The following ARHGEF17 variants were observed in gnomAD, a reference collection of about 807,000 sequenced individuals.
The protein encoded by ARHGEF17 is 164 kDa Rho-specific guanine-nucleotide exchange factor.
ARHGEF17 carries 80 observed loss-of-function variants against 174.0 expected under a neutral mutation model. The ratio of observed to expected loss-of-function variants is 0.46; its 90% CI spans 0.38 to 0.55. The LOEUF (loss-of-function observed/expected upper bound fraction) is 0.55, where lower values mean the gene tolerates loss of function less well. Among genes scored for constraint, ARHGEF17 ranks in the 20% least tolerant of loss-of-function variants. ARHGEF17 has a pLI of 0.00. For missense variants in ARHGEF17, 2,886 were observed against 2,839.7 expected (o/e 1.02, Z -0.37); for synonymous variants, 1,311 against 1,189.1 (o/e 1.10, Z -2.11).
chr11:73,364,308 T>G (rs1469164715), intron 17 of ARHGEF17, 69 bp downstream of exon 17: 26 of 1,605,712 alleles, frequency 1.6e-5, no homozygotes, highest in African/African-American at 8.0e-5. Context: ...CTCCTGGAGA[T>G]GTGGCTTTGG....
At position 73,308,562 on chromosome 11, in the gene ARHGEF17, C is replaced by T. The variant is rs1477437827; in HGVS notation, c.-77C>T. 3.9e-6 allele frequency: 5 copies of T among 1,284,256 alleles called. No homozygotes were observed. The highest frequency in any genetic ancestry group is 5.0e-6 in the Non-Finnish European group (5 of 992,084). The allele number at this position is 1,284,256 out of a possible 1,614,324, so 79.6% of individuals were successfully genotyped here. A position where few individuals can be genotyped will look rare whatever the true frequency, so the allele number is the denominator to read the frequency against. ...GCTGCTTTCGGCGTGGGCCGCTGCG[C>T]TCCTAGGGAGTGGGGGCGCAGGGGG... On this transcript the variant is annotated 5_prime_UTR_variant, in exon 1 of 21. Transcript: ENST00000263674.
intron 1 of ARHGEF17, among the ~76,000 whole-genome samples, chr11:73,318,435 G>A (rs1367127887): frequency 1.3e-5 from 2 of 152,114 alleles, no homozygotes; most frequent in Non-Finnish European, 2.9e-5. Context: ...CCAGGGGTTC[G>A]AGACCAGCCT....
intron 1 of ARHGEF17, among the ~76,000 whole-genome samples, chr11:73,342,729 C>T (rs896287828): frequency 6.6e-6 from 1 of 151,388 alleles, no homozygotes; most frequent in African/African-American, 2.4e-5. Flanking sequence ...AAGTACATGT[C>T]GGCGCCTTTG....
At chr11:73,319,196 T>C (rs1409290974) in intron 1 of ARHGEF17, among the ~76,000 whole-genome samples, 2 of 152,042 alleles carry the variant, frequency 1.3e-5, no homozygotes, top group Non-Finnish European at 2.9e-5. Context: ...CCCAAGTAGC[T>C]GGGACTACAG....
intron 1 of ARHGEF17, among the ~76,000 whole-genome samples, chr11:73,321,302 T>G (rs1540107): frequency 0.99 from 151,030 of 152,282 alleles, 74,906 homozygotes; most frequent in Middle Eastern, 1. Flanking sequence ...CCCCACCCTG[T>G]GACATGTCCA....
Position 73,310,772 on chromosome 11 carries a change from G to A in ARHGEF17, c.2134G>A (p.Val712Ile). The change falls in exon 1 of 21, where the codon GTC becomes ATC. Residue 712 changes from valine (V) to isoleucine (I), a missense_variant. Val to Ile is a conservative substitution (Grantham distance 29, BLOSUM62 3). Transcript: ENST00000263674. Reference sequence around the variant, plus strand: ...AGGTGCCCTCCGCCGACGACGCAAAGTCCCACCTTCAGGTTCTGGTGGGAG... The same window carrying A: ...AGGTGCCCTCCGCCGACGACGCAAAATCCCACCTTCAGGTTCTGGTGGGAG... Reference protein sequence around the residue: ...TPGALRRRRKVPPSGSGGSEL... With the variant: ...TPGALRRRRKIPPSGSGGSEL... 6.2e-7 allele frequency: 1 copy of A among 1,611,974 alleles called. No homozygotes were observed. The highest frequency in any genetic ancestry group is 2.2e-5 in the East Asian group (1 of 44,834).
chr11:73,352,879 C>A lies in ARHGEF17; in HGVS notation c.3320C>A (p.Pro1107His), dbSNP rs1264864674. The A allele has an allele frequency of 6.2e-7, 1 of 1,614,140 alleles. No homozygotes were observed. Among genetic ancestry groups the A allele is most frequent in the Non-Finnish European group, 8.5e-7 (1 of 1,180,040 alleles). The part of the protein sequence containing the change: ...KQPENSVLCD[P>H]SLVDEIFDQI... Reference sequence around the variant, plus strand: ...CCAGAGAACTCCGTGCTCTGTGACCCTTCACTGGTGGACGAGATCTTCGAC... The same window carrying A: ...CCAGAGAACTCCGTGCTCTGTGACCATTCACTGGTGGACGAGATCTTCGAC... The change falls in exon 3 of 21, where the codon CCT (proline) becomes CAT (histidine). Residue 1107 changes from proline (P) to histidine (H), a missense_variant. Transcript: ENST00000263674.
Position 73,311,424 on chromosome 11 carries a change from G to T in ARHGEF17, c.2786G>T (p.Ser929Ile). 1 of 1,613,356 alleles carries T rather than the reference G, an allele frequency of 6.2e-7. No individual in the cohort carries two copies. Among genetic ancestry groups the T allele is most frequent in the Admixed American group, 1.7e-5 (1 of 60,034 alleles). ...GGCTCCAAGAAGCGCCCAGCTCGGAGTAGTCACCAGGAGCTTCGGAGAGAC... is the reference window on the plus strand; with the variant it reads ...GGCTCCAAGAAGCGCCCAGCTCGGATTAGTCACCAGGAGCTTCGGAGAGAC... ...RRGSKKRPAR[S>I]SHQELRRDEG... Residue 929 changes from serine (S) to isoleucine (I), a missense_variant, in exon 1 of 21, where the codon AGT (serine) becomes ATT (isoleucine). By Grantham distance (142) the Ser-to-Ile change is moderately radical (BLOSUM62 -2). Coordinates refer to ENST00000263674, the MANE Select transcript of ARHGEF17 (RefSeq NM_014786.4).
intron 12 of ARHGEF17, among the ~76,000 whole-genome samples, 185 bp from the exon 13 acceptor site, chr11:73,361,852 CAAA>C (rs367973557): frequency 1.7e-5 from 2 of 119,648 alleles, no homozygotes; most frequent in African/African-American, 3.0e-5. Flanking sequence ...AGAACCAATC[CAAA>C]AAAAAAAAAA....
chr11:73,320,163 C>T lies in ARHGEF17; in HGVS notation c.3192+8333C>T, dbSNP rs1027786216. Among the ~76,000 whole-genome samples the T allele has an allele frequency of 9.9e-5, 15 of 152,166 alleles. No individual in the cohort carries two copies. In the East Asian group the frequency reaches 1.2e-3, roughly 12 times the overall value. On this transcript the variant is annotated intron_variant, in intron 1 of 20. Transcript: ENST00000263674. ...CAGAGGAACTGTCAGGTCCCTTCATCCCTGAGAGGCCTAGGGAGGCTTCAG... is the reference window on the plus strand; with the variant it reads ...CAGAGGAACTGTCAGGTCCCTTCATTCCTGAGAGGCCTAGGGAGGCTTCAG...
rs1282206740 is a variant in ARHGEF17, at chr11:73,365,257, T to G, written c.5551-133T>G. Reference sequence around the variant, plus strand: ...TGGGAGGTGCTGGTGAAACCAAGCTTCGAAAGGTTAATCAGACCAAGGACC... The same window carrying G: ...TGGGAGGTGCTGGTGAAACCAAGCTGCGAAAGGTTAATCAGACCAAGGACC... On this transcript the variant is annotated intron_variant, in intron 18 of 20. Transcript: ENST00000263674. The surrounding 1 kb of genome is among the most constrained non-coding windows in gnomAD (Gnocchi z 4.9). 1 of 993,130 alleles carries G rather than the reference T, an allele frequency of 1.0e-6. No homozygotes were observed. The highest frequency in any genetic ancestry group is 1.5e-6 in the Non-Finnish European group (1 of 677,516). The allele number at this position is 993,130 out of a possible 1,614,324, so 61.5% of individuals were successfully genotyped here. A position where few individuals can be genotyped will look rare whatever the true frequency, so the allele number is the denominator to read the frequency against.
intron 7 of ARHGEF17, 132 bp from the exon 8 acceptor site, chr11:73,356,893 T>C: frequency 6.7e-7 from 1 of 1,495,736 alleles, no homozygotes; most frequent in East Asian, 2.3e-5. Context: ...CCCACTCTGC[T>C]CTGACTCTCT....
At chr11:73,311,928 C>A in intron 1 of ARHGEF17, 98 bp downstream of exon 1, 1 of 1,382,460 alleles carries the variant, frequency 7.2e-7, no homozygotes, top group East Asian at 2.5e-5. Context: ...TGGTCAGGTG[C>A]CCAGGTGCCA....
At position 73,363,201 on chromosome 11, in the gene ARHGEF17, C is replaced by T. The variant is rs11235725; in HGVS notation, c.4997-5C>T. ...AATGGAGACAGAGACCTTTGTCTCC[C>T]TCAGATGAGGAGACCCCGAGTTCCA... On this transcript the variant is annotated splice_region_variant and splice_polypyrimidine_tract_variant and intron_variant, in intron 14 of 20. Transcript: ENST00000263674. 7 of 1,545,258 alleles carry T rather than the reference C, an allele frequency of 4.5e-6. No homozygotes were observed. Among genetic ancestry groups the T allele is most frequent in the Non-Finnish European group, 5.2e-6 (6 of 1,144,158 alleles).
chr11:73,339,134 C>A (rs1463750342), intron 1 of ARHGEF17, among the ~76,000 whole-genome samples: 1 of 152,222 alleles, frequency 6.6e-6, no homozygotes, highest in East Asian at 1.9e-4. Context: ...ATTTCTCCTT[C>A]ACCACCTGCA....
In ARHGEF17 at chr11:73,318,187, G is replaced by T. The variant is rs562405175; in HGVS notation, c.3192+6357G>T. 3.3e-5 allele frequency among the ~76,000 whole-genome samples: 5 copies of T among 152,228 alleles called. No individual in the cohort carries two copies. The South Asian group carries it at 6.2e-4, about 19-fold the overall frequency. On this transcript the variant is annotated intron_variant, in intron 1 of 20. Coordinates refer to ENST00000263674, the MANE Select transcript of ARHGEF17 (RefSeq NM_014786.4). ...GGTTCAGAGTGGTGCCGGGACTCAG[G>T]CCTGGGTCTACCCGCTACGTGCTTT...
intron 1 of ARHGEF17, among the ~76,000 whole-genome samples, chr11:73,320,666 T>C (rs966896042): frequency 3.2e-4 from 48 of 150,716 alleles, no homozygotes; most frequent in Non-Finnish European, 5.3e-4. Context: ...TGATGATTTT[T>C]TTTTTTTTTT....
intron 1 of ARHGEF17, chr11:73,342,893 C>A (rs1235801846): frequency 6.4e-6 from 1 of 157,428 alleles, no homozygotes; most frequent in East Asian, 1.8e-4. Context: ...CTCCCCACAA[C>A]GGGGCCGCGC....
intron 1 of ARHGEF17, among the ~76,000 whole-genome samples, chr11:73,336,897 T>C (rs1865294673): frequency 6.6e-6 from 1 of 152,244 alleles, no homozygotes; most frequent in Non-Finnish European, 1.5e-5. Flanking sequence ...TACCTACACA[T>C]GGCCCCTGCA....
Sources: gnomAD v4.1 joint callset for allele counts (sites outside exome capture counted in the v4.1 genomes callset) on GRCh38, gnomAD v4.1.1 for gene constraint, Gnocchi (gnomAD v3.1) non-coding constraint, MANE v1.5 for transcripts, NCBI Gene and HGNC (gene_info 2026-07-23, HGNC 2026-07-21) for gene names.